Variants in CRYBA4 observed in about 807,000 individuals in gnomAD.
CRYBA4 encodes the protein beta-crystallin A4.
CRYBA4 carries 30 observed loss-of-function variants against 31.7 expected under a neutral mutation model. That is an observed-to-expected ratio of 0.95 (90% CI 0.71 to 1.28). CRYBA4 has a LOEUF of 1.28. Ranked by LOEUF, CRYBA4 falls within the 50% of genes most tolerant of loss-of-function variation. The probability of loss-of-function intolerance (pLI) is 0.00; values close to 1 mark genes in which losing one functional copy is unlikely to be tolerated. For synonymous variants in CRYBA4, 102 were observed against 102.3 expected (o/e 1.00, Z 0.02); for missense variants, 225 against 260.7 (o/e 0.86, Z 0.94).
Position 26,630,448 on chromosome 22 carries a change from G to A in CRYBA4, c.552G>A (p.Pro184=), listed in dbSNP as rs563771386. 133 of 1,613,742 alleles carry A rather than the reference G, an allele frequency of 8.2e-5. No individual in the cohort carries two copies. The South Asian group carries it at 1.2e-3, about 15-fold the overall frequency. The stretch of plus-strand genomic sequence containing the variant: ...TCCGGGAGTGGGGCTCTCATGCCCC[G>A]ACCTTCCAGGTGCAGAGCATCCGCA... ...KHFREWGSHA[P]TFQVQSIRRI... Residue 184 remains proline (P), a synonymous_variant, in exon 6 of 6, where the codon CCG becomes CCA. Transcript: ENST00000354760.
upstream of CRYBA4, among the ~76,000 whole-genome samples, chr22:26,617,372 G>A (rs570661108): frequency 3.8e-4 from 58 of 152,334 alleles, no homozygotes; most frequent in African/African-American, 1.3e-3. Flanking sequence ...CTCTGGTCAA[G>A]CTGATTCCCG....
At chr22:26,603,476 G>A in the CRYBA4 span, among the ~76,000 whole-genome samples, 2 of 151,818 alleles carry the variant, frequency 1.3e-5, no homozygotes, top group African/African-American at 4.8e-5. Context: ...GTTGCAGTGA[G>A]GCGAGATCAC....
the CRYBA4 span, among the ~76,000 whole-genome samples, chr22:26,599,945 G>A: frequency 1.3e-5 from 2 of 152,190 alleles, no homozygotes; most frequent in Non-Finnish European, 2.9e-5. Flanking sequence ...TGCACCTCAA[G>A]TGTTTGCTAA....
chr22:26,591,009 T>C, the CRYBA4 span, among the ~76,000 whole-genome samples: 6 of 152,230 alleles, frequency 3.9e-5, no homozygotes, highest in Non-Finnish European at 7.3e-5. Context: ...GGCTTACTTT[T>C]CATTGTGAAC....
chr22:26,625,201 G>A (rs746476067), intron 3 of CRYBA4, among the ~76,000 whole-genome samples: 1 of 152,148 alleles, frequency 6.6e-6, no homozygotes, highest in African/African-American at 2.4e-5. Context: ...CAACTCTGGC[G>A]CTACTGATGT....
At chr22:26,626,784 A>C (rs1178365667) in intron 4 of CRYBA4, among the ~76,000 whole-genome samples, 1 of 152,204 alleles carries the variant, frequency 6.6e-6, no homozygotes, top group Non-Finnish European at 1.5e-5. Flanking sequence ...TGTTCAACCT[A>C]TACATTTGTG....
the CRYBA4 span, chr22:26,599,751 T>C: frequency 9.3e-7 from 1 of 1,073,920 alleles, no homozygotes; most frequent in South Asian, 1.3e-5. Flanking sequence ...CAGACCAGCC[T>C]GTCCTTCATT....
intron 5 of CRYBA4, among the ~76,000 whole-genome samples, chr22:26,629,734 CAA>C (rs66906132): frequency 3.7e-5 from 3 of 80,598 alleles, no homozygotes; most frequent in South Asian, 4.3e-4. Flanking sequence ...GACTCTGTCT[CAA>C]AAAAAAAAAA....
intron 1 of CRYBA4, among the ~76,000 whole-genome samples, chr22:26,622,340 C>G (rs1929557093): frequency 6.6e-6 from 1 of 151,898 alleles, no homozygotes; most frequent in Admixed American, 6.6e-5. Context: ...TAAGAGAATA[C>G]AGAGTGGGGC....
At chr22:26,601,905 C>T in the CRYBA4 span, 1 of 1,612,242 alleles carries the variant, frequency 6.2e-7, no homozygotes, top group Admixed American at 1.7e-5. Context: ...TCACGCTGCC[C>T]ACGCGGTCAC....
In CRYBA4 at chr22:26,623,178, C is replaced by G; in HGVS notation, c.40-56C>G. The stretch of plus-strand genomic sequence containing the variant: ...AGATCCTGGGGCGAGCCCCCAACCT[C>G]TCACCCTTCACGGGACTCTGATGCG... On this transcript the variant is annotated intron_variant, in intron 2 of 5. Coordinates refer to ENST00000354760, the MANE Select transcript of CRYBA4 (RefSeq NM_001886.3). 2.7e-6 allele frequency: 4 copies of G among 1,462,478 alleles called. No homozygotes were observed. In the South Asian group the frequency reaches 4.5e-5, roughly 17 times the overall value. The allele number at this position is 1,462,478 out of a possible 1,614,324, so 90.6% of individuals were successfully genotyped here. A position where few individuals can be genotyped will look rare whatever the true frequency, so the allele number is the denominator to read the frequency against.
rs916680617 is a variant in CRYBA4, at chr22:26,628,197, G to C, written c.301-91G>C. Reference sequence around the variant, plus strand: ...AGGTTTGCAAGGAAGGCTGATTTGGGAGACAAGGGCAGGGAGTGTGGAGGC... The same window carrying C: ...AGGTTTGCAAGGAAGGCTGATTTGGCAGACAAGGGCAGGGAGTGTGGAGGC... On this transcript the variant is annotated intron_variant, in intron 4 of 5. Transcript: ENST00000354760. 4 of 1,584,738 alleles carry C rather than the reference G, an allele frequency of 2.5e-6. No homozygotes were observed. The African/African-American group carries it at 5.4e-5, about 21-fold the overall frequency.
intron 4 of CRYBA4, among the ~76,000 whole-genome samples, chr22:26,627,536 TTTTC>T (rs1285507294): frequency 8.4e-4 from 110 of 130,612 alleles, no homozygotes; most frequent in African/African-American, 3.0e-3. Context: ...CTTTCTTTCC[TTTTC>T]TTTCTTTCTT....
At chr22:26,614,772 G>A in the CRYBA4 span, among the ~76,000 whole-genome samples, 1 of 152,072 alleles carries the variant, frequency 6.6e-6, no homozygotes, top group Non-Finnish European at 1.5e-5. Flanking sequence ...CTAGGAGTTC[G>A]AGACCAGCCT....
chr22:26,622,665 A>C, intron 2 of CRYBA4, 30 bp downstream of exon 2: 3 of 617,866 alleles, frequency 4.9e-6, no homozygotes, highest in Non-Finnish European at 8.6e-6. Flanking sequence ...GGGGGTGTTC[A>C]GGGGGTATGG....
the CRYBA4 span, among the ~76,000 whole-genome samples, chr22:26,598,329 C>CCTTT: frequency 6.6e-6 from 1 of 152,186 alleles, no homozygotes; most frequent in South Asian, 2.1e-4. Context: ...TTCCTTCCTT[C>CCTTT]CTTTCTCTCT....
chr22:26,614,446 G>A, the CRYBA4 span, among the ~76,000 whole-genome samples: 2 of 152,286 alleles, frequency 1.3e-5, no homozygotes, highest in African/African-American at 4.8e-5. Flanking sequence ...GAATATCGGG[G>A]CAGGTTCCCC....
upstream of CRYBA4, chr22:26,617,946 G>A (rs922813336): frequency 1.3e-5 from 2 of 153,668 alleles, no homozygotes; most frequent in African/African-American, 4.8e-5. Context: ...CTCCCCTTCA[G>A]CTCTCAGCTG....
chr22:26,599,523 G>T, the CRYBA4 span: 14 of 1,613,380 alleles, frequency 8.7e-6, no homozygotes, highest in Non-Finnish European at 1.1e-5. Flanking sequence ...GGACAGGGAA[G>T]GACCCCTCGA....
Sources: allele counts gnomAD v4.1 joint callset (sites outside exome capture counted in the v4.1 genomes callset), GRCh38; gene constraint gnomAD v4.1.1; transcripts MANE v1.5; gene names NCBI Gene and HGNC (gene_info 2026-07-23, HGNC 2026-07-21).